Variants in ASCC2 observed in about 807,000 individuals in gnomAD.
The protein encoded by ASCC2 is ASC-1 complex subunit P100.
ASCC2 carries 42 observed loss-of-function variants against 93.5 expected under a neutral mutation model. The observed-to-expected ratio is 0.45, with a 90% confidence interval of 0.35 to 0.58. The LOEUF (loss-of-function observed/expected upper bound fraction) is 0.58, where lower values mean the gene tolerates loss of function less well. Ranked by LOEUF, ASCC2 falls within the 20% of genes least tolerant of loss-of-function variation. ASCC2 has a pLI of 0.00. For synonymous variants in ASCC2, 364 were observed against 384.2 expected (o/e 0.95, Z 0.62); for missense variants, 859 against 977.6 (o/e 0.88, Z 1.62).
chr22:29,810,592 C>A (rs1254564758), intron 8 of ASCC2, among the ~76,000 whole-genome samples: 1 of 152,198 alleles, frequency 6.6e-6, no homozygotes, highest in Non-Finnish European at 1.5e-5. Context: ...ATTGGAACAA[C>A]CCCTATGGAG....
Position 29,806,856 on chromosome 22 carries a change from T to C in ASCC2, c.957A>G (p.Leu319=). 1 of 1,613,960 alleles carries C rather than the reference T, an allele frequency of 6.2e-7. No homozygotes were observed. The highest frequency in any genetic ancestry group is 8.5e-7 in the Non-Finnish European group (1 of 1,179,912). Residue 319 remains leucine, a synonymous_variant, in exon 10 of 20, where the codon CTA becomes CTG. Transcript: ENST00000307790. ...TCAGGATGATGTGGAAAATCTCCAT[T>C]AGCTTCTTCCTGGAATGGGAGAGCC... ...WQRLSHSRKK[L]MEIFHIILNQ... is the part of the protein sequence containing the mutation.
chr22:29,801,119 G>T lies in ASCC2; in HGVS notation c.1569-9C>A, dbSNP rs377450988. ...GGTCTGGTTTCATTTCTCTGGGTGGGGGACACAGAGATCAATTTAAGGGGG... is the reference window on the plus strand; with the variant it reads ...GGTCTGGTTTCATTTCTCTGGGTGGTGGACACAGAGATCAATTTAAGGGGG... On this transcript the variant is annotated splice_polypyrimidine_tract_variant and intron_variant, in intron 14 of 19. Transcript: ENST00000307790. The T allele has an allele frequency of 1.3e-6, 2 of 1,588,610 alleles. No homozygotes were observed. Among genetic ancestry groups the T allele is most frequent in the East Asian group, 2.3e-5 (1 of 44,126 alleles).
At chr22:29,819,710 CTCCA>C (rs1293367803) in intron 5 of ASCC2, among the ~76,000 whole-genome samples, 1 of 152,186 alleles carries the variant, frequency 6.6e-6, no homozygotes, top group Non-Finnish European at 1.5e-5. Context: ...GGCTCCAAGG[CTCCA>C]AATCCCCCTC....
At chr22:29,822,667 TCTAGA>T (rs1176616232) in intron 4 of ASCC2, among the ~76,000 whole-genome samples, 1 of 150,240 alleles carries the variant, frequency 6.7e-6, no homozygotes, top group Non-Finnish European at 1.5e-5. Context: ...TTTTTGTGTC[TCTAGA>T]CTAAACATCC....
intron 8 of ASCC2, among the ~76,000 whole-genome samples, chr22:29,811,096 T>C (rs537453754): frequency 1.3e-5 from 2 of 152,336 alleles, no homozygotes; most frequent in South Asian, 2.1e-4. Context: ...TGGGATCTGG[T>C]ATTCCATACA....
intron 5 of ASCC2, chr22:29,822,086 A>G: frequency 2.2e-6 from 1 of 462,742 alleles, no homozygotes; most frequent in East Asian, 4.8e-5. Flanking sequence ...CTGAAAAAAA[A>G]CAAAAACAAA....
At chr22:29,790,392 G>C (rs2068856134) in intron 19 of ASCC2, 77 bp downstream of exon 19, 1 of 1,481,336 alleles carries the variant, frequency 6.8e-7, no homozygotes, top group Non-Finnish European at 9.4e-7. Context: ...TGTACGTGTG[G>C]GTTTCCTGGG....
chr22:29,836,796 G>A (rs957677997), intron 1 of ASCC2, among the ~76,000 whole-genome samples: 14 of 152,112 alleles, frequency 9.2e-5, no homozygotes, highest in Non-Finnish European at 1.9e-4. Flanking sequence ...CAGGTGATCC[G>A]CCCGCCTTGG....
chr22:29,825,941 T>G lies in ASCC2; in HGVS notation c.82-161A>C. 1 of 734,124 alleles carries G rather than the reference T, an allele frequency of 1.4e-6. No individual in the cohort carries two copies. Among genetic ancestry groups the G allele is most frequent in the South Asian group, 2.0e-5 (1 of 51,026 alleles). The allele number at this position is 734,124 out of a possible 1,614,324, so 45.5% of individuals were successfully genotyped here. A position where few individuals can be genotyped will look rare whatever the true frequency, so the allele number is the denominator to read the frequency against. On this transcript the variant is annotated intron_variant, in intron 2 of 19. Coordinates refer to ENST00000307790, the MANE Select transcript of ASCC2 (RefSeq NM_032204.5). The surrounding 1 kb of genome is among the most constrained non-coding windows in gnomAD (Gnocchi z 4.9). ...GTGTATCTAACAAAGAGGGCATGGT[T>G]GCATTCAGCGAACACTAGGCGGTAA... is the stretch of plus-strand genomic sequence containing the variant.
chr22:29,826,137 T>C, intron 2 of ASCC2: 1 of 183,388 alleles, frequency 5.5e-6, no homozygotes. Context: ...TTTTCGGTCT[T>C]TAAAAAGTGT....
chr22:29,806,454 C>G, intron 11 of ASCC2, 31 bp downstream of exon 11: 3 of 1,610,200 alleles, frequency 1.9e-6, no homozygotes, highest in Non-Finnish European at 2.5e-6. Flanking sequence ...GTGGGAGGGT[C>G]ATGGGCCCAG....
In ASCC2 at chr22:29,789,189, G is replaced by A; in HGVS notation, c.2103-5C>T. On this transcript the variant is annotated splice_region_variant and splice_polypyrimidine_tract_variant and intron_variant, in intron 19 of 19. Transcript: ENST00000307790. The stretch of plus-strand genomic sequence containing the variant: ...GTTGAGCTGTCATGCCGGTACCTGA[G>A]GGAGGAACAACCCACCCCACGAGAA... 6.2e-7 allele frequency: 1 copy of A among 1,614,048 alleles called. No individual in the cohort carries two copies. The highest frequency in any genetic ancestry group is 8.5e-7 in the Non-Finnish European group (1 of 1,179,990).
Position 29,825,499 on chromosome 22 carries a change from G to A in ASCC2, c.240+123C>T, listed in dbSNP as rs2062181243. The A allele has an allele frequency of 2.9e-6, 4 of 1,391,612 alleles. No homozygotes were observed. Among genetic ancestry groups the A allele is most frequent in the Non-Finnish European group, 4.0e-6 (4 of 993,550 alleles). The allele number at this position is 1,391,612 out of a possible 1,614,324, so 86.2% of individuals were successfully genotyped here. Reference sequence around the variant, plus strand: ...AGAGCAATCCGAACCACAATTTGCTGTTAAGGATCCAGTGAAAGAAGTAGA... The same window carrying A: ...AGAGCAATCCGAACCACAATTTGCTATTAAGGATCCAGTGAAAGAAGTAGA... On this transcript the variant is annotated intron_variant, in intron 3 of 19. Coordinates refer to ENST00000307790, the MANE Select transcript of ASCC2 (RefSeq NM_032204.5). The surrounding 1 kb of genome is among the most constrained non-coding windows in gnomAD (Gnocchi z 4.9).
chr22:29,802,332 C>T (rs1040233443), intron 13 of ASCC2, 124 bp from the exon 14 acceptor site: 43 of 909,112 alleles, frequency 4.7e-5, no homozygotes, highest in Middle Eastern at 6.9e-4. Context: ...ACCCCTCCTG[C>T]CTGTGGGAAC....
chr22:29,827,369 C>A, intron 2 of ASCC2: 1 of 303,438 alleles, frequency 3.3e-6, no homozygotes. Context: ...CTCTTATCAA[C>A]CACAGTCCAT....
Position 29,789,199 on chromosome 22 carries a change from A to T in ASCC2, c.2103-15T>A. The T allele has an allele frequency of 1.2e-6, 2 of 1,613,260 alleles. No individual in the cohort carries two copies. The highest frequency in any genetic ancestry group is 1.7e-6 in the Non-Finnish European group (2 of 1,179,732). ...CATGCCGGTACCTGAGGGAGGAACA[A>T]CCCACCCCACGAGAACCTGTCAGCC... is the stretch of plus-strand genomic sequence containing the variant. On this transcript the variant is annotated splice_polypyrimidine_tract_variant and intron_variant, in intron 19 of 19. Coordinates refer to ENST00000307790, the MANE Select transcript of ASCC2 (RefSeq NM_032204.5).
intron 2 of ASCC2, among the ~76,000 whole-genome samples, chr22:29,830,950 C>T (rs2063065127): frequency 6.6e-6 from 1 of 152,222 alleles, no homozygotes. Context: ...GAAAATCATA[C>T]TCGACCACCC....
chr22:29,815,195 G>C (rs1038832949), intron 6 of ASCC2: 3 of 186,062 alleles, frequency 1.6e-5, no homozygotes, highest in African/African-American at 7.2e-5. Context: ...TACTTGAGAG[G>C]CTGAGGTGGG....
intron 4 of ASCC2, 152 bp downstream of exon 4, chr22:29,824,935 G>T: frequency 2.6e-6 from 2 of 764,296 alleles, no homozygotes; most frequent in Non-Finnish European, 3.8e-6. Context: ...AAGGGACGTG[G>T]CACAGATTTC....
Sources: allele counts gnomAD v4.1 joint callset (sites outside exome capture counted in the v4.1 genomes callset), GRCh38; gene constraint gnomAD v4.1.1; non-coding constraint Gnocchi (gnomAD v3.1); transcripts MANE v1.5; gene names NCBI Gene and HGNC (gene_info 2026-07-23, HGNC 2026-07-21).